The following AMPH variants were observed in gnomAD, a reference collection of about 807,000 sequenced individuals.
AMPH encodes amphiphysin, also known as amphiphysin (Stiff-Mann syndrome with breast cancer 128kD autoantigen).
In AMPH, 49 loss-of-function variants were observed where a neutral mutation model predicts 99.1. The ratio of observed to expected loss-of-function variants is 0.49; its 90% CI spans 0.39 to 0.63. The LOEUF (loss-of-function observed/expected upper bound fraction) is 0.63. Ranked by LOEUF, AMPH falls within the 20% of genes least tolerant of loss-of-function variation. AMPH has a pLI of 0.00. For synonymous variants in AMPH, 314 were observed against 317.3 expected (o/e 0.99, Z 0.11); for missense variants, 759 against 863.4 (o/e 0.88, Z 1.52).
chr7:38,430,986 C>A (rs2128992982), intron 13 of AMPH, among the ~76,000 whole-genome samples: 1 of 152,310 alleles, frequency 6.6e-6, no homozygotes, highest in Non-Finnish European at 1.5e-5. Flanking sequence ...TTCTGCCTCA[C>A]AATAAAAGAA....
At chr7:38,472,647 G>A (rs180746794) in intron 7 of AMPH, among the ~76,000 whole-genome samples, 46 of 152,276 alleles carry the variant, frequency 3.0e-4, no homozygotes, top group South Asian at 2.9e-3. Context: ...GAGTAATCTG[G>A]ATTTCATTAA....
At chr7:38,420,512 T>A (rs1785543869) in intron 16 of AMPH, among the ~76,000 whole-genome samples, 1 of 152,234 alleles carries the variant, frequency 6.6e-6, no homozygotes, top group Admixed American at 6.5e-5. Context: ...AAGAGGTACA[T>A]CCTTTACAGA....
intron 11 of AMPH, among the ~76,000 whole-genome samples, chr7:38,451,304 C>T (rs986491602): frequency 1.3e-5 from 2 of 149,840 alleles, no homozygotes; most frequent in Admixed American, 6.6e-5. Context: ...CACATATATA[C>T]GTGTGTATAT....
intron 2 of AMPH, among the ~76,000 whole-genome samples, chr7:38,527,218 T>C (rs1426200625): frequency 6.6e-6 from 1 of 152,268 alleles, no homozygotes; most frequent in African/African-American, 2.4e-5. Flanking sequence ...GTCTTTGTCA[T>C]TGTTTTAATT....
At chr7:38,543,693 T>C (rs1415532843) in intron 1 of AMPH, among the ~76,000 whole-genome samples, 2 of 152,190 alleles carry the variant, frequency 1.3e-5, no homozygotes, top group African/African-American at 4.8e-5. Flanking sequence ...AGCTGGTATG[T>C]AACCAAGTTT....
chr7:38,390,563 C>T (rs1784458690), intron 19 of AMPH, among the ~76,000 whole-genome samples: 1 of 152,190 alleles, frequency 6.6e-6, no homozygotes, highest in South Asian at 2.1e-4. Context: ...AACTCCACCC[C>T]TGAGAGTAAA....
At chr7:38,553,481 G>A (rs901940228) in intron 1 of AMPH, among the ~76,000 whole-genome samples, 3 of 152,136 alleles carry the variant, frequency 2.0e-5, no homozygotes, top group African/African-American at 2.4e-5. Flanking sequence ...ACATAGTCAC[G>A]GAATAAAAAA....
At chr7:38,521,731 C>T (rs978935784) in intron 2 of AMPH, among the ~76,000 whole-genome samples, 20 of 152,118 alleles carry the variant, frequency 1.3e-4, no homozygotes, top group African/African-American at 4.6e-4. Context: ...TTTTCATTCT[C>T]TGTTGGAGGG....
chr7:38,542,338 CACAA>C (rs937852573), intron 1 of AMPH, among the ~76,000 whole-genome samples: 1 of 152,226 alleles, frequency 6.6e-6, no homozygotes, highest in African/African-American at 2.4e-5. Flanking sequence ...TGGCCCCATT[CACAA>C]ACAGAGCACT....
chr7:38,422,397 G>A, intron 16 of AMPH, 24 bp downstream of exon 16: 3 of 1,601,918 alleles, frequency 1.9e-6, no homozygotes, highest in Non-Finnish European at 2.6e-6. Flanking sequence ...AACTTCCTGA[G>A]AGCACAAACC....
intron 1 of AMPH, among the ~76,000 whole-genome samples, chr7:38,617,954 C>G (rs1793932097): frequency 6.6e-6 from 1 of 152,044 alleles, no homozygotes; most frequent in Non-Finnish European, 1.5e-5. Context: ...TATACTATGG[C>G]TAAAAACTAA....
At chr7:38,600,804 A>C (rs1793219420) in intron 1 of AMPH, among the ~76,000 whole-genome samples, 1 of 152,216 alleles carries the variant, frequency 6.6e-6, no homozygotes, top group Non-Finnish European at 1.5e-5. Context: ...TTCATGAGTT[A>C]GCTTTGGCTG....
intron 1 of AMPH, among the ~76,000 whole-genome samples, chr7:38,562,641 A>G (rs1175965425): frequency 6.6e-6 from 1 of 151,794 alleles, no homozygotes; most frequent in Non-Finnish European, 1.5e-5. Flanking sequence ...AGGAATCATG[A>G]TATGAGCACA....
chr7:38,594,960 C>T (rs1213279939), intron 1 of AMPH, among the ~76,000 whole-genome samples: 1 of 152,094 alleles, frequency 6.6e-6, no homozygotes, highest in Non-Finnish European at 1.5e-5. Context: ...AATTTTAAGA[C>T]GGATGCTTAG....
At chr7:38,540,311 T>C (rs1790761859) in intron 1 of AMPH, among the ~76,000 whole-genome samples, 1 of 152,306 alleles carries the variant, frequency 6.6e-6, no homozygotes, top group Non-Finnish European at 1.5e-5. Context: ...TAATACACTA[T>C]GTTGACTAAG....
chr7:38,429,460 G>A, intron 14 of AMPH: 1 of 1,302,994 alleles, frequency 7.7e-7, no homozygotes, highest in African/African-American at 1.5e-5. Context: ...CTAGCGTCAG[G>A]GCCCCAAGTA....
intron 2 of AMPH, among the ~76,000 whole-genome samples, chr7:38,513,809 T>A (rs7787242): frequency 0.98 from 148,879 of 152,314 alleles, 72,776 homozygotes; most frequent in East Asian, 1. Context: ...ATTAGATACT[T>A]TCTCCTCCTG....
chr7:38,431,152 C>T (rs1477707206), intron 13 of AMPH, among the ~76,000 whole-genome samples: 1 of 152,196 alleles, frequency 6.6e-6, no homozygotes, highest in African/African-American at 2.4e-5. Flanking sequence ...CTGTTTGTGA[C>T]ACTTTCCCAA....
At chr7:38,452,982 C>T (rs928613628) in intron 11 of AMPH, among the ~76,000 whole-genome samples, 1 of 152,128 alleles carries the variant, frequency 6.6e-6, no homozygotes, top group Non-Finnish European at 1.5e-5. Flanking sequence ...CTCAATAAAC[C>T]AGAAAGCAGA....
Sources: allele counts gnomAD v4.1 joint callset (sites outside exome capture counted in the v4.1 genomes callset), GRCh38; gene constraint gnomAD v4.1.1; transcripts MANE v1.5; gene names NCBI Gene and HGNC (gene_info 2026-07-23, HGNC 2026-07-21).